The following EYS variants were observed in gnomAD, a reference collection of about 807,000 sequenced individuals.
EYS encodes protein eyes shut homolog.
A neutral mutation model predicts 282.1 loss-of-function variants in EYS; 250 were observed. That is an observed-to-expected ratio of 0.89 (90% CI 0.80 to 0.98). The LOEUF (loss-of-function observed/expected upper bound fraction) is 0.98. Among genes scored for constraint, EYS ranks in the 50% least tolerant of loss-of-function variants. The probability of loss-of-function intolerance (pLI) is 0.00; values close to 1 mark genes in which losing one functional copy is unlikely to be tolerated. For missense variants in EYS, 4,016 were observed against 3,709.0 expected (o/e 1.08, Z -2.15); for synonymous variants, 1,355 against 1,282.9 (o/e 1.06, Z -1.20).
At chr6:64,116,136 C>T (rs1318134292) in intron 31 of EYS, among the ~76,000 whole-genome samples, 1 of 152,000 alleles carries the variant, frequency 6.6e-6, no homozygotes, top group Non-Finnish European at 1.5e-5. Flanking sequence ...CAATGGAGAG[C>T]ATCAACAGCA....
At chr6:64,045,654 C>T (rs956483489) in intron 33 of EYS, among the ~76,000 whole-genome samples, 13 of 150,756 alleles carry the variant, frequency 8.6e-5, no homozygotes, top group South Asian at 2.1e-4. Flanking sequence ...ACCATGTTGG[C>T]CAGTCTAGTC....
intron 22 of EYS, among the ~76,000 whole-genome samples, chr6:64,734,929 ATTAG>A (rs1387341669): frequency 2.0e-5 from 3 of 152,160 alleles, no homozygotes; most frequent in Non-Finnish European, 2.9e-5. Context: ...TTATTTTTCT[ATTAG>A]TTCTTTCTCT....
chr6:64,417,474 C>T (rs1265161786), intron 28 of EYS, among the ~76,000 whole-genome samples: 1 of 151,948 alleles, frequency 6.6e-6, no homozygotes, highest in Non-Finnish European at 1.5e-5. Flanking sequence ...TCAAAATAGA[C>T]CATTTAGATA....
At chr6:64,044,256 T>A (rs189631349) in intron 33 of EYS, among the ~76,000 whole-genome samples, 2 of 152,368 alleles carry the variant, frequency 1.3e-5, no homozygotes, top group African/African-American at 4.8e-5. Context: ...AAAGTTTGTT[T>A]CAAAATAATT....
chr6:65,546,641 G>A (rs1316726699), intron 2 of EYS, among the ~76,000 whole-genome samples: 1 of 151,420 alleles, frequency 6.6e-6, no homozygotes, highest in Admixed American at 6.6e-5. Flanking sequence ...TCAAGATCTT[G>A]GCTCACTGCA....
intron 36 of EYS, among the ~76,000 whole-genome samples, chr6:63,842,378 TC>T (rs941757140): frequency 1.3e-5 from 2 of 152,256 alleles, no homozygotes; most frequent in African/African-American, 4.8e-5. Flanking sequence ...GAGCTTTTTT[TC>T]ATACATCTGT....
At chr6:65,002,919 CT>C (rs34309150) in intron 13 of EYS, among the ~76,000 whole-genome samples, 40,543 of 146,870 alleles carry the variant, frequency 0.28, 8,663 homozygotes, top group African/African-American at 0.42. Flanking sequence ...TTTCCTATGC[CT>C]GTCTTTACTT....
intron 4 of EYS, among the ~76,000 whole-genome samples, chr6:65,492,948 C>T (rs903311022): frequency 5.3e-5 from 8 of 152,036 alleles, no homozygotes; most frequent in Admixed American, 1.3e-4. Context: ...AGACAGTCTC[C>T]CTTCATCGCC....
intron 33 of EYS, among the ~76,000 whole-genome samples, chr6:64,008,601 A>C (rs559927024): frequency 6.6e-6 from 1 of 151,636 alleles, no homozygotes; most frequent in South Asian, 2.1e-4. Context: ...AGTGGCTAGT[A>C]GTAGTCTTTC....
At chr6:64,502,838 G>A (rs937097237) in intron 26 of EYS, among the ~76,000 whole-genome samples, 4 of 151,964 alleles carry the variant, frequency 2.6e-5, no homozygotes, top group Admixed American at 6.6e-5. Flanking sequence ...GTACATCATA[G>A]GAATTTAAAA....
intron 2 of EYS, among the ~76,000 whole-genome samples, chr6:65,503,975 C>A (rs1419000470): frequency 1.3e-5 from 2 of 151,504 alleles, no homozygotes; most frequent in African/African-American, 2.4e-5. Context: ...AACCAGGGTG[C>A]CAATTTTGGC....
rs528366836 is a variant in EYS, at chr6:64,679,606, C to T, written c.3444-53361G>A. 1.6e-4 allele frequency among the ~76,000 whole-genome samples: 24 copies of T among 152,128 alleles called. No individual in the cohort carries two copies. In the Middle Eastern group the frequency reaches 0.01, roughly 65 times the overall value. ...AATGTGATCATGTTAAAAACATGAC[C>T]AAATTTCCCTTGATATGATTAAATA... On this transcript the variant is annotated intron_variant, in intron 22 of 42. Transcript: ENST00000503581.
intron 30 of EYS, among the ~76,000 whole-genome samples, chr6:64,288,059 G>T (rs1434546160): frequency 6.6e-6 from 1 of 152,086 alleles, no homozygotes; most frequent in African/African-American, 2.4e-5. Context: ...ATTTGCAAAA[G>T]GGGTTTGGGA....
At chr6:63,931,775 T>G (rs1764901945) in intron 35 of EYS, among the ~76,000 whole-genome samples, 1 of 152,224 alleles carries the variant, frequency 6.6e-6, no homozygotes, top group African/African-American at 2.4e-5. Flanking sequence ...CTTTGTGTTG[T>G]GAATATTTAA....
intron 26 of EYS, among the ~76,000 whole-genome samples, chr6:64,451,431 C>T (rs369124908): frequency 6.6e-6 from 1 of 152,122 alleles, no homozygotes; most frequent in Non-Finnish European, 1.5e-5. Flanking sequence ...ACCAGAGGTA[C>T]AAGGAGGAGC....
chr6:64,119,790 C>G (rs1411756665), intron 31 of EYS, among the ~76,000 whole-genome samples: 1 of 152,194 alleles, frequency 6.6e-6, no homozygotes, highest in African/African-American at 2.4e-5. Flanking sequence ...ACGCAAATCA[C>G]AGAGGTGTGT....
intron 22 of EYS, among the ~76,000 whole-genome samples, chr6:64,701,888 T>A (rs1770804047): frequency 6.6e-6 from 1 of 151,984 alleles, no homozygotes; most frequent in South Asian, 2.1e-4. Context: ...AGAGCAGAAG[T>A]ATATAATAAC....
chr6:64,958,392 C>A (rs1361140467), intron 14 of EYS, among the ~76,000 whole-genome samples: 1 of 148,182 alleles, frequency 6.7e-6, no homozygotes, highest in Non-Finnish European at 1.5e-5. Flanking sequence ...AAAAACTAAA[C>A]AAAACAAAAC....
At chr6:65,360,493 TG>T (rs1409994088) in intron 8 of EYS, among the ~76,000 whole-genome samples, 4 of 152,124 alleles carry the variant, frequency 2.6e-5, no homozygotes, top group African/African-American at 9.7e-5. Context: ...TTTGGCTCTC[TG>T]GGGACCAAGG....
Sources: gnomAD v4.1 joint callset for allele counts (sites outside exome capture counted in the v4.1 genomes callset) on GRCh38, gnomAD v4.1.1 for gene constraint, MANE v1.5 for transcripts, NCBI Gene and HGNC (gene_info 2026-07-23, HGNC 2026-07-21) for gene names.